Variants in HECW1 observed in about 807,000 individuals in gnomAD.
The protein encoded by HECW1 is HECT, C2 and WW domain containing E3 ubiquitin protein ligase 1.
A neutral mutation model predicts 182.3 loss-of-function variants in HECW1; 61 were observed. That is an observed-to-expected ratio of 0.33 (90% CI 0.27 to 0.41). The LOEUF is 0.41. Ranked by LOEUF, HECW1 falls within the 10% of genes least tolerant of loss-of-function variation. HECW1 has a pLI of 1.00. For missense variants in HECW1, 1,739 were observed against 2,108.9 expected (o/e 0.82, Z 3.44); for synonymous variants, 859 against 832.6 (o/e 1.03, Z -0.55).
chr7:43,331,802 G>A (rs1043604745), intron 5 of HECW1, among the ~76,000 whole-genome samples: 2 of 152,200 alleles, frequency 1.3e-5, no homozygotes, highest in South Asian at 4.1e-4. Flanking sequence ...GTTCAGAGTG[G>A]TAGGTGGTGG....
chr7:43,186,184 C>T (rs1278427326), intron 2 of HECW1, among the ~76,000 whole-genome samples: 1 of 152,230 alleles, frequency 6.6e-6, no homozygotes, highest in Admixed American at 6.5e-5. Flanking sequence ...TTCTCTGATT[C>T]ATTTCTAACC....
chr7:43,538,661 G>A (rs1302115860), intron 24 of HECW1, among the ~76,000 whole-genome samples: 1 of 152,066 alleles, frequency 6.6e-6, no homozygotes, highest in East Asian at 1.9e-4. Flanking sequence ...ACTTGCCTGG[G>A]GCTAATTATT....
At chr7:43,251,211 G>A (rs539126304) in intron 3 of HECW1, among the ~76,000 whole-genome samples, 2 of 152,318 alleles carry the variant, frequency 1.3e-5, no homozygotes, top group East Asian at 3.9e-4. Flanking sequence ...GCTGTCTGTC[G>A]AAGAATGAGC....
intron 5 of HECW1, among the ~76,000 whole-genome samples, chr7:43,336,148 C>CTCTT (rs1812223927): frequency 6.6e-4 from 32 of 48,672 alleles, no homozygotes; most frequent in Non-Finnish European, 8.2e-4. Context: ...CTCTCTTTCT[C>CTCTT]TCTCTCTCTC....
At chr7:43,336,084 TC>T (rs1323246514) in intron 5 of HECW1, among the ~76,000 whole-genome samples, 1 of 147,764 alleles carries the variant, frequency 6.8e-6, no homozygotes, top group Non-Finnish European at 1.5e-5. Flanking sequence ...TCCCTTTCTT[TC>T]TTTCTCTTTC....
intron 5 of HECW1, among the ~76,000 whole-genome samples, chr7:43,339,383 A>G (rs892410551): frequency 1.4e-4 from 22 of 151,898 alleles, no homozygotes; most frequent in African/African-American, 5.3e-4. Flanking sequence ...GCTCTACCTG[A>G]TCTCCTGCTA....
chr7:43,378,966 A>T (rs2074436747), intron 6 of HECW1, among the ~76,000 whole-genome samples: 1 of 152,060 alleles, frequency 6.6e-6, no homozygotes, highest in Non-Finnish European at 1.5e-5. Flanking sequence ...CAGACATAGA[A>T]CATGGGGTGG....
At chr7:43,196,648 C>T (rs1033282031) in intron 2 of HECW1, among the ~76,000 whole-genome samples, 1 of 152,138 alleles carries the variant, frequency 6.6e-6, no homozygotes, top group African/African-American at 2.4e-5. Flanking sequence ...CTGACCTGAG[C>T]GGGAGATGGG....
intron 21 of HECW1, among the ~76,000 whole-genome samples, chr7:43,505,655 GA>G (rs797005070): frequency 1.7e-4 from 26 of 152,232 alleles, no homozygotes; most frequent in African/African-American, 6.3e-4. Flanking sequence ...TGCACATGCT[GA>G]TCTTCCACCT....
intron 2 of HECW1, among the ~76,000 whole-genome samples, chr7:43,197,495 G>C (rs569209595): frequency 1.3e-5 from 2 of 152,234 alleles, no homozygotes; most frequent in Non-Finnish European, 2.9e-5. Flanking sequence ...AGTGGCCCAA[G>C]GAGAGGGTGG....
intron 2 of HECW1, among the ~76,000 whole-genome samples, chr7:43,213,628 G>A (rs1419708202): frequency 2.0e-5 from 3 of 151,702 alleles, no homozygotes; most frequent in Non-Finnish European, 4.4e-5. Context: ...TGTATTTTTA[G>A]TAGAGGTGGG....
chr7:43,414,186 G>A (rs1381376376), intron 8 of HECW1, among the ~76,000 whole-genome samples: 1 of 151,074 alleles, frequency 6.6e-6, no homozygotes, highest in Non-Finnish European at 1.5e-5. Flanking sequence ...TTGTAAGTTG[G>A]ATTCCTAGGT....
chr7:43,386,602 C>T (rs1302109488), intron 6 of HECW1, among the ~76,000 whole-genome samples: 1 of 152,066 alleles, frequency 6.6e-6, no homozygotes, highest in Non-Finnish European at 1.5e-5. Flanking sequence ...GATGTTCCTG[C>T]CCCCCCTGCA....
intron 2 of HECW1, among the ~76,000 whole-genome samples, chr7:43,211,737 G>A (rs1583992548): frequency 6.6e-6 from 1 of 152,196 alleles, no homozygotes; most frequent in African/African-American, 2.4e-5. Context: ...ATAAAACTTT[G>A]AGGATATTGA....
At chr7:43,266,947 T>C (rs554903912) in intron 3 of HECW1, among the ~76,000 whole-genome samples, 4 of 152,176 alleles carry the variant, frequency 2.6e-5, no homozygotes, top group African/African-American at 4.8e-5. Flanking sequence ...TCTGTATTGA[T>C]GAAGTTATAA....
intron 19 of HECW1, among the ~76,000 whole-genome samples, chr7:43,497,088 G>A (rs35969094): frequency 0.11 from 16,712 of 152,142 alleles, 1,068 homozygotes; most frequent in Middle Eastern, 0.22. Context: ...CAGCAATAGT[G>A]GATAATATGC....
At chr7:43,494,121 C>G (rs959450571) in intron 19 of HECW1, among the ~76,000 whole-genome samples, 2 of 152,124 alleles carry the variant, frequency 1.3e-5, no homozygotes, top group Non-Finnish European at 2.9e-5. Flanking sequence ...CCTTGCCACT[C>G]CCGCCAGAAT....
intron 24 of HECW1, among the ~76,000 whole-genome samples, chr7:43,517,248 G>T (rs2080204190): frequency 6.6e-6 from 1 of 152,140 alleles, no homozygotes; most frequent in Non-Finnish European, 1.5e-5. Flanking sequence ...CCTTACAGTT[G>T]TCACAATCAG....
At chr7:43,512,306 C>T (rs1164837530) in intron 24 of HECW1, among the ~76,000 whole-genome samples, 1 of 152,218 alleles carries the variant, frequency 6.6e-6, no homozygotes, top group Non-Finnish European at 1.5e-5. Flanking sequence ...CCTTAATGGA[C>T]ACCCACGCCC....
Sources: gnomAD v4.1 joint callset for allele counts (sites outside exome capture counted in the v4.1 genomes callset) on GRCh38, gnomAD v4.1.1 for gene constraint, MANE v1.5 for transcripts, NCBI Gene and HGNC (gene_info 2026-07-23, HGNC 2026-07-21) for gene names.